Variants in C1QL3 observed in about 807,000 individuals in gnomAD.
The protein encoded by C1QL3 is complement C1q-like protein 3.
In C1QL3, 4 loss-of-function variants were observed where a neutral mutation model predicts 16.6. The observed-to-expected ratio is 0.24, with a 90% CI of 0.12 to 0.55. The LOEUF (loss-of-function observed/expected upper bound fraction) is 0.55. Among genes scored for constraint, C1QL3 ranks in the 20% least tolerant of loss-of-function variants. The pLI is 0.94. For synonymous variants in C1QL3, 189 were observed against 160.2 expected (o/e 1.18, Z -1.36); for missense variants, 269 against 365.6 (o/e 0.74, Z 2.16).
chr10:16,514,751 T>C, intron 1 of C1QL3, 44 bp from the exon 2 acceptor site: 1 of 1,494,086 alleles, frequency 6.7e-7, no homozygotes, highest in South Asian at 1.2e-5. Flanking sequence ...ATGAGAATTC[T>C]CAAGTTTTCT....
In C1QL3 at chr10:16,520,392, C is replaced by G. The variant is rs1837022023; in HGVS notation, c.588+86G>C. On this transcript the variant is annotated intron_variant, in intron 1 of 1. Transcript: ENST00000298943. The surrounding 1 kb of genome is among the most constrained non-coding windows in gnomAD (Gnocchi z 8.3). The stretch of plus-strand genomic sequence containing the variant: ...CGCCGCGCCCTTCCTCCGCGGGCTC[C>G]CACCCCCATTTCCGGGGTCTCCTCC... 1.3e-5 allele frequency: 14 copies of G among 1,081,812 alleles called. No individual in the cohort carries two copies. Among genetic ancestry groups the G allele is most frequent in the Non-Finnish European group, 1.8e-5 (14 of 768,508 alleles). The allele number at this position is 1,081,812 out of a possible 1,614,324, so 67.0% of individuals were successfully genotyped here. A position where few individuals can be genotyped will look rare whatever the true frequency, so the allele number is the denominator to read the frequency against.
chr10:16,520,601 G>A lies in C1QL3; in HGVS notation c.465C>T (p.His155=), dbSNP rs72772306. Residue 155 remains histidine, a synonymous_variant, in exon 1 of 2, where the codon CAC becomes CAT. Transcript: ENST00000298943. The surrounding 1 kb of genome is among the most constrained non-coding windows in gnomAD (Gnocchi z 8.3). ...FDDVVTNLGN[H]YDPTTGKFTC... The stretch of plus-strand genomic sequence containing the variant: ...TGAACTTGCCGGTGGTGGGGTCGTA[G>A]TGGTTTCCGAGGTTGGTGACCACGT... The A allele has an allele frequency of 0.12, 191,250 of 1,613,354 alleles. 12,147 individuals are homozygous for A. The highest frequency in any genetic ancestry group is 0.22 in the African/African-American group (16,198 of 74,860).
At chr10:16,516,782 G>A (rs151196074) in intron 1 of C1QL3, among the ~76,000 whole-genome samples, 9 of 152,272 alleles carry the variant, frequency 5.9e-5, no homozygotes, top group East Asian at 1.9e-4. Context: ...AAATTCCTGC[G>A]AATGCATTAG....
Position 16,520,441 on chromosome 10 carries a change from T to TGCCAG in C1QL3, c.588+36_588+37insCTGGC. 2 of 1,227,530 alleles carry TGCCAG rather than the reference T, an allele frequency of 1.6e-6. No homozygotes were observed. Among genetic ancestry groups the TGCCAG allele is most frequent in the Non-Finnish European group, 1.1e-6 (1 of 881,044 alleles). 76.0% of individuals were successfully genotyped at this position (1,227,530 alleles called of 1,614,324 possible). ...CCCTCTCGCCCGCACCTTCCCGCGC[T>TGCCAG]CCCTCCCCGCCCTCCCCGCCGCCCG... On this transcript the variant is annotated intron_variant, in intron 1 of 1. Coordinates refer to ENST00000298943, the MANE Select transcript of C1QL3 (RefSeq NM_001010908.2). The surrounding 1 kb of genome is among the most constrained non-coding windows in gnomAD (Gnocchi z 8.3).
At chr10:16,514,875 C>T (rs763634415) in intron 1 of C1QL3, among the ~76,000 whole-genome samples, 168 bp from the exon 2 acceptor site, 24 of 152,088 alleles carry the variant, frequency 1.6e-4, no homozygotes, top group Admixed American at 4.6e-4. Flanking sequence ...TGGCAGTTTC[C>T]GCTACGTTAG....
rs547498872 is a variant in C1QL3 at position 16,520,300 on chromosome 10, G to T, written c.588+178C>A. ...TCCAGGCCGCGGGGCGCCCTCCTGCGCGCACGACCCCCGCCTCTCCAGGGT... is the reference window on the plus strand; with the variant it reads ...TCCAGGCCGCGGGGCGCCCTCCTGCTCGCACGACCCCCGCCTCTCCAGGGT... On this transcript the variant is annotated intron_variant, in intron 1 of 1. Coordinates refer to ENST00000298943, the MANE Select transcript of C1QL3 (RefSeq NM_001010908.2). This position sits in a 1 kb window ranked among gnomAD's most constrained non-coding sequence, Gnocchi z 8.3. Among the ~76,000 whole-genome samples the T allele has an allele frequency of 6.6e-6, 1 of 151,726 alleles. No homozygotes were observed. The highest frequency in any genetic ancestry group is 2.0e-4 in the East Asian group (1 of 5,046).
chr10:16,520,350 GC>G lies in C1QL3; in HGVS notation c.588+127del, dbSNP rs1837020948. On this transcript the variant is annotated intron_variant, in intron 1 of 1. Transcript: ENST00000298943. This position sits in a 1 kb window ranked among gnomAD's most constrained non-coding sequence, Gnocchi z 8.3. ...TGGGACGGCGTCCCCCCTTGCCGTC[GC>G]TCCAGGGAGCCCGGCCGCCGCGCCC... The G allele has an allele frequency of 2.8e-6, 2 of 704,020 alleles. No individual in the cohort carries two copies. Among genetic ancestry groups the G allele is most frequent in the African/African-American group, 3.8e-5 (2 of 52,626 alleles). The allele number at this position is 704,020 out of a possible 1,614,324, so 43.6% of individuals were successfully genotyped here.
chr10:16,518,808 A>G (rs1440838234), intron 1 of C1QL3, among the ~76,000 whole-genome samples: 2 of 152,058 alleles, frequency 1.3e-5, no homozygotes, highest in Non-Finnish European at 2.9e-5. Flanking sequence ...AAGAGAGCCA[A>G]TTTGCAAATA....
chr10:16,514,405 T>A lies in C1QL3; in HGVS notation c.*123A>T, dbSNP rs1481225084. The A allele has an allele frequency of 2.7e-6, 2 of 729,340 alleles. No homozygotes were observed. The highest frequency in any genetic ancestry group is 5.1e-5 in the Admixed American group (2 of 39,342). The allele number at this position is 729,340 out of a possible 1,614,324, so 45.2% of individuals were successfully genotyped here. On this transcript the variant is annotated 3_prime_UTR_variant, in exon 2 of 2. Transcript: ENST00000298943. ...AGATGTGAGTCAGGTAGCATTTGAT[T>A]TCCCCACATATACACAACTGAGGTG...
At chr10:16,515,686 C>T (rs1430335397) in intron 1 of C1QL3, among the ~76,000 whole-genome samples, 2 of 152,116 alleles carry the variant, frequency 1.3e-5, no homozygotes, top group East Asian at 3.9e-4. Context: ...ATCCTTAGCT[C>T]AAATTAGGCT....
At chr10:16,516,112 T>C (rs1349061982) in intron 1 of C1QL3, among the ~76,000 whole-genome samples, 1 of 152,166 alleles carries the variant, frequency 6.6e-6, no homozygotes, top group East Asian at 1.9e-4. Context: ...TTAAAGTGTC[T>C]TTCTGGGTAT....
In C1QL3 at chr10:16,514,510, AGCTTAGTTTCT is replaced by A; in HGVS notation, c.*7_*17del. The A allele has an allele frequency of 6.2e-7, 1 of 1,605,996 alleles. No individual in the cohort carries two copies. ...TCCAGTGTTCAAACTCAGAATAATA[AGCTTAGTTTCT>A]GCATTATCAGTCAGCATAAATAATA... On this transcript the variant is annotated 3_prime_UTR_variant, in exon 2 of 2. Transcript: ENST00000298943.
chr10:16,520,859 G>C lies in C1QL3; in HGVS notation c.207C>G (p.Pro69=), dbSNP rs1469842257. 2.1e-6 allele frequency: 3 copies of C among 1,445,004 alleles called. No homozygotes were observed. Among genetic ancestry groups the C allele is most frequent in the Non-Finnish European group, 2.7e-6 (3 of 1,102,524 alleles). 89.5% of individuals were successfully genotyped at this position (1,445,004 alleles called of 1,614,324 possible). A position where few individuals can be genotyped will look rare whatever the true frequency, so the allele number is the denominator to read the frequency against. Residue 69 remains proline, a synonymous_variant, in exon 1 of 2, where the codon CCC becomes CCG. Coordinates refer to ENST00000298943, the MANE Select transcript of C1QL3 (RefSeq NM_001010908.2). This position sits in a 1 kb window ranked among gnomAD's most constrained non-coding sequence, Gnocchi z 8.3. ...GGGGCCCGCGCGGACCCGCCTTCCC[G>C]GGCCTGCCGGCCTCGCCTTTGGGGC... ...IQGPKGEAGR[P]GKAGPRGPPG...
Position 16,520,401 on chromosome 10 carries a change from T to G in C1QL3, c.588+77A>C. ...CTTCCTCCGCGGGCTCCCACCCCCA[T>G]TTCCGGGGTCTCCTCCCTCTCGCCC... is the stretch of plus-strand genomic sequence containing the variant. On this transcript the variant is annotated intron_variant, in intron 1 of 1. Coordinates refer to ENST00000298943, the MANE Select transcript of C1QL3 (RefSeq NM_001010908.2). This position sits in a 1 kb window ranked among gnomAD's most constrained non-coding sequence, Gnocchi z 8.3. 9 of 1,164,304 alleles carry G rather than the reference T, an allele frequency of 7.7e-6. No individual in the cohort carries two copies. Among genetic ancestry groups the G allele is most frequent in the Admixed American group, 2.4e-5 (1 of 40,888 alleles). The allele number at this position is 1,164,304 out of a possible 1,614,324, so 72.1% of individuals were successfully genotyped here.
intron 1 of C1QL3, among the ~76,000 whole-genome samples, chr10:16,519,139 A>ATTTTTTTTTTTTTTTTTTTTTTTTT (rs1385047282): frequency 1.9e-4 from 5 of 26,132 alleles, no homozygotes; most frequent in African/African-American, 3.2e-4. Context: ...CGCATTTAGG[A>ATTTTTTTTTTTTTTTTTTTTTTTTT]CTTTTTTTTT....
At chr10:16,514,785 C>T (rs1211243801) in intron 1 of C1QL3, 78 bp from the exon 2 acceptor site, 2 of 1,056,120 alleles carry the variant, frequency 1.9e-6, no homozygotes, top group Non-Finnish European at 2.8e-6. Context: ...TGTAGCATCA[C>T]AAGCTGACTT....
chr10:16,520,444 CT>C lies in C1QL3; in HGVS notation c.588+33del. 1 of 1,271,928 alleles carries C rather than the reference CT, an allele frequency of 7.9e-7. No individual in the cohort carries two copies. The highest frequency in any genetic ancestry group is 1.4e-5 in the South Asian group (1 of 73,178). The allele number at this position is 1,271,928 out of a possible 1,614,324, so 78.8% of individuals were successfully genotyped here. ...TCTCGCCCGCACCTTCCCGCGCTCCCTCCCCGCCCTCCCCGCCGCCCGCCCG... is the reference window on the plus strand; with the variant it reads ...TCTCGCCCGCACCTTCCCGCGCTCCCCCCCGCCCTCCCCGCCGCCCGCCCG... On this transcript the variant is annotated intron_variant, in intron 1 of 1. Transcript: ENST00000298943. The surrounding 1 kb of genome is among the most constrained non-coding windows in gnomAD (Gnocchi z 8.3).
Position 16,514,464 on chromosome 10 carries a change from C to G in C1QL3, c.*64G>C, listed in dbSNP as rs1057121905. On this transcript the variant is annotated 3_prime_UTR_variant, in exon 2 of 2. Coordinates refer to ENST00000298943, the MANE Select transcript of C1QL3 (RefSeq NM_001010908.2). ...TTGGCATCCCCTGGGATCCTTGATT[C>G]ACTGACGTTAGCCATACGAATCCAG... 2 of 1,426,324 alleles carry G rather than the reference C, an allele frequency of 1.4e-6. No homozygotes were observed. Among genetic ancestry groups the G allele is most frequent in the African/African-American group, 2.8e-5 (2 of 70,568 alleles). The allele number at this position is 1,426,324 out of a possible 1,614,324, so 88.4% of individuals were successfully genotyped here. A position where few individuals can be genotyped will look rare whatever the true frequency, so the allele number is the denominator to read the frequency against.
rs932145557 is a variant in C1QL3 at position 16,521,269 on chromosome 10, C to A, written c.-204G>T. On this transcript the variant is annotated 5_prime_UTR_variant, in exon 1 of 2. Transcript: ENST00000298943. Reference sequence around the variant, plus strand: ...CGCTGCTGCCGACTCCTGCTCCCCCCGCGGAGGCTGCGGCTGGGGAGGGAG... The same window carrying A: ...CGCTGCTGCCGACTCCTGCTCCCCCAGCGGAGGCTGCGGCTGGGGAGGGAG... 2.8e-5 allele frequency: 15 copies of A among 530,920 alleles called. No homozygotes were observed. Among genetic ancestry groups the A allele is most frequent in the South Asian group, 1.9e-4 (8 of 41,188 alleles). 32.9% of individuals were successfully genotyped at this position (530,920 alleles called of 1,614,324 possible). A position where few individuals can be genotyped will look rare whatever the true frequency, so the allele number is the denominator to read the frequency against.
Sources: gnomAD v4.1 joint callset for allele counts (sites outside exome capture counted in the v4.1 genomes callset) on GRCh38, gnomAD v4.1.1 for gene constraint, Gnocchi (gnomAD v3.1) non-coding constraint, MANE v1.5 for transcripts, NCBI Gene and HGNC (gene_info 2026-07-23, HGNC 2026-07-21) for gene names.